SMARCA2: variants seen among roughly 807,000 people sequenced by gnomAD.
The protein encoded by SMARCA2 is SWI/SNF related BAF chromatin remodeling complex subunit ATPase 2.
In SMARCA2, 61 loss-of-function variants were observed where a neutral mutation model predicts 199.8. The ratio of observed to expected loss-of-function variants is 0.31; its 90% CI spans 0.25 to 0.38. The LOEUF is 0.38. SMARCA2 is among the 10% of genes least tolerant of loss of function. The probability of loss-of-function intolerance (pLI) is 1.00; values close to 1 mark genes in which losing one functional copy is unlikely to be tolerated. For missense variants in SMARCA2, 1,344 were observed against 2,012.2 expected (o/e 0.67, Z 6.35); for synonymous variants, 935 against 732.0 (o/e 1.28, Z -4.48).
chr9:2,049,037 A>T (rs1454099636), intron 5 of SMARCA2, among the ~76,000 whole-genome samples: 1 of 152,210 alleles, frequency 6.6e-6, no homozygotes, highest in Admixed American at 6.5e-5. Flanking sequence ...TACCCTAGGA[A>T]AGGAAAAAGC....
intron 7 of SMARCA2, among the ~76,000 whole-genome samples, chr9:2,057,169 C>T (rs1820389815): frequency 1.3e-5 from 2 of 152,194 alleles, no homozygotes; most frequent in African/African-American, 2.4e-5. Context: ...TATTTTTCAC[C>T]GTTCTGGAGG....
rs191711057 is a variant in SMARCA2, at chr9:2,169,550, C to G, written c.4200-869C>G. On this transcript the variant is annotated intron_variant, in intron 28 of 33. Transcript: ENST00000349721. The surrounding 1 kb of genome is among the most constrained non-coding windows in gnomAD (Gnocchi z 6.5). ...TGTTTATGGGTTTATGCTTTTCCCT[C>G]TCTGCAACACCCCGACCCCACACTG... Among the ~76,000 whole-genome samples the G allele has an allele frequency of 3.9e-5, 6 of 152,288 alleles. No homozygotes were observed. The highest frequency in any genetic ancestry group is 7.3e-5 in the Non-Finnish European group (5 of 68,028).
At chr9:2,139,360 T>G (rs2001294) in intron 27 of SMARCA2, among the ~76,000 whole-genome samples, 60,023 of 151,900 alleles carry the variant, frequency 0.4, 17,698 homozygotes, top group African/African-American at 0.82. Context: ...CTGATTGGTT[T>G]GGGATGCAGT....
At chr9:2,182,619 C>G (rs996640622) in intron 31 of SMARCA2, among the ~76,000 whole-genome samples, 1 of 149,902 alleles carries the variant, frequency 6.7e-6, no homozygotes, top group African/African-American at 2.5e-5. Context: ...CTCAGCCTCC[C>G]AAGTACCTGG....
intron 10 of SMARCA2, chr9:2,071,888 C>G (rs140798753): frequency 1.3e-5 from 2 of 152,206 alleles, no homozygotes; most frequent in African/African-American, 4.8e-5. Context: ...GAAGAAGTGT[C>G]ATGTTGGCAT....
intron 32 of SMARCA2, among the ~76,000 whole-genome samples, chr9:2,186,445 A>G (rs919679186): frequency 6.6e-6 from 1 of 152,202 alleles, no homozygotes; most frequent in Admixed American, 6.5e-5. Context: ...ATGACCTCCA[A>G]GCATGTAAAA....
chr9:2,164,644 A>G (rs944028149), intron 28 of SMARCA2, among the ~76,000 whole-genome samples: 2 of 152,170 alleles, frequency 1.3e-5, no homozygotes, highest in African/African-American at 2.4e-5. Flanking sequence ...GCTGATTTCC[A>G]TGGTTTTATT....
At chr9:2,023,669 A>C (rs557839860) in intron 1 of SMARCA2, among the ~76,000 whole-genome samples, 1 of 152,290 alleles carries the variant, frequency 6.6e-6, no homozygotes, top group African/African-American at 2.4e-5. Context: ...TGTAAAAAGG[A>C]AACTTCGGGT....
rs1821834320 is a variant in SMARCA2 at position 2,087,135 on chromosome 9, C to T, written c.2769+64C>T. ...TGACATGAAATGAAAGGCCCTAAAG[C>T]TGAGAACATTAGAGCCACAGAACAC... is the stretch of plus-strand genomic sequence containing the variant. On this transcript the variant is annotated intron_variant, in intron 18 of 33. Transcript: ENST00000349721. 66 of 1,590,846 alleles carry T rather than the reference C, an allele frequency of 4.1e-5. No homozygotes were observed. The South Asian group carries it at 7.0e-4, about 17-fold the overall frequency.
At chr9:2,146,477 A>G (rs1332820038) in intron 27 of SMARCA2, among the ~76,000 whole-genome samples, 2 of 152,118 alleles carry the variant, frequency 1.3e-5, no homozygotes, top group African/African-American at 4.8e-5. Flanking sequence ...GGGGTTTCCT[A>G]GGTATTGTGG....
At chr9:2,096,286 A>C (rs1023216400) in intron 19 of SMARCA2, among the ~76,000 whole-genome samples, 2 of 152,226 alleles carry the variant, frequency 1.3e-5, no homozygotes, top group African/African-American at 4.8e-5. Context: ...CGTTCTGTTC[A>C]TAGGAAAGGA....
intron 22 of SMARCA2, 45 bp from the exon 23 acceptor site, chr9:2,103,958 C>T (rs773217102): frequency 1.3e-6 from 2 of 1,572,888 alleles, no homozygotes; most frequent in Non-Finnish European, 1.7e-6. Flanking sequence ...TTTAAGAAGA[C>T]AGAAGTAATA....
At chr9:2,070,221 T>C (rs941406928) in intron 9 of SMARCA2, among the ~76,000 whole-genome samples, 197 bp from the exon 10 acceptor site, 1 of 152,218 alleles carries the variant, frequency 6.6e-6, no homozygotes, top group Non-Finnish European at 1.5e-5. Flanking sequence ...TGACTTTAAG[T>C]GACTCTCTAC....
intron 19 of SMARCA2, among the ~76,000 whole-genome samples, chr9:2,089,830 A>C (rs1821973658): frequency 6.6e-6 from 1 of 152,152 alleles, no homozygotes; most frequent in African/African-American, 2.4e-5. Context: ...ACTTCCTAGC[A>C]TACAGTTACG....
chr9:2,114,038 A>G (rs1053732544), intron 24 of SMARCA2, among the ~76,000 whole-genome samples: 4 of 152,184 alleles, frequency 2.6e-5, no homozygotes, highest in African/African-American at 7.2e-5. Flanking sequence ...CCCATTTTAG[A>G]GACTGTTGGC....
chr9:2,164,313 T>G (rs924663275), intron 28 of SMARCA2, among the ~76,000 whole-genome samples: 5 of 150,652 alleles, frequency 3.3e-5, no homozygotes, highest in Non-Finnish European at 5.9e-5. Flanking sequence ...CAGCTAAGCA[T>G]TGCACAGTGG....
chr9:2,181,514 C>G, intron 29 of SMARCA2, 57 bp from the exon 30 acceptor site: 1 of 845,434 alleles, frequency 1.2e-6, no homozygotes, highest in South Asian at 1.4e-5. Flanking sequence ...AAAAATAAAA[C>G]CTTTCCTCAG....
chr9:2,181,510 A>G, intron 29 of SMARCA2, 61 bp from the exon 30 acceptor site: 4 of 832,620 alleles, frequency 4.8e-6, no homozygotes, highest in South Asian at 1.4e-5. Flanking sequence ...AAATAAAAAT[A>G]AAACCTTTCC....
In SMARCA2 at chr9:2,058,365, G is replaced by A. The variant is rs144434753; in HGVS notation, c.1422G>A (p.Gln474=). The change falls in exon 8 of 34, where the codon CAG becomes CAA. Residue 474 remains glutamine (Q), a synonymous_variant. Coordinates refer to ENST00000349721, the MANE Select transcript of SMARCA2 (RefSeq NM_003070.5). ...EYHRSVAGKI[Q]KLSKAVATWH... ...ATCGGTCTGTGGCCGGAAAGATCCA[G>A]AAGCTCTCCAAAGCAGTGGCAACTT... The A allele has an allele frequency of 7.9e-4, 1,271 of 1,614,152 alleles. No individual in the cohort carries two copies. The highest frequency in any genetic ancestry group is 2.1e-3 in the Middle Eastern group (13 of 6,062).
Sources: gnomAD v4.1 joint callset for allele counts (sites outside exome capture counted in the v4.1 genomes callset) on GRCh38, gnomAD v4.1.1 for gene constraint, Gnocchi (gnomAD v3.1) non-coding constraint, MANE v1.5 for transcripts, NCBI Gene and HGNC (gene_info 2026-07-23, HGNC 2026-07-21) for gene names.